The following SAMD12 variants were observed in gnomAD, a reference collection of about 807,000 sequenced individuals.
SAMD12 encodes sterile alpha motif domain containing 12, also known as sterile alpha motif domain-containing protein 12.
In SAMD12, 9 loss-of-function variants were observed where a neutral mutation model predicts 15.0. That is an observed-to-expected ratio of 0.60 (90% CI 0.36 to 1.05). The LOEUF is 1.05. Ranked by LOEUF, SAMD12 falls within the 50% of genes least tolerant of loss-of-function variation. SAMD12 has a pLI of 0.01. For missense variants in SAMD12, 230 were observed against 234.2 expected (o/e 0.98, Z 0.12); for synonymous variants, 86 against 90.1 (o/e 0.96, Z 0.25).
intron 2 of SAMD12, among the ~76,000 whole-genome samples, chr8:118,567,625 T>C (rs1010704803): frequency 3.9e-5 from 6 of 152,228 alleles, no homozygotes; most frequent in Non-Finnish European, 8.8e-5. Context: ...AAAAATCTGC[T>C]ATTGGGATTT....
At chr8:118,250,835 ATGT>A (rs369360296) in intron 4 of SAMD12, among the ~76,000 whole-genome samples, 124 of 152,098 alleles carry the variant, frequency 8.2e-4, no homozygotes, top group African/African-American at 2.7e-3. Context: ...CAGTCAACAA[ATGT>A]TGTTTTCCTC....
At chr8:118,167,155 A>C in the SAMD12 span, among the ~76,000 whole-genome samples, 2 of 152,098 alleles carry the variant, frequency 1.3e-5, no homozygotes, top group Non-Finnish European at 2.9e-5. Flanking sequence ...CTCTCAAGGA[A>C]AATAGTTCTG....
chr8:118,466,790 T>C (rs1272296927), intron 2 of SAMD12, among the ~76,000 whole-genome samples: 1 of 100,838 alleles, frequency 9.9e-6, no homozygotes, highest in Non-Finnish European at 2.0e-5. Flanking sequence ...CTAGCAGTAA[T>C]AGGGAGAGAG....
chr8:118,251,449 C>G (rs1012115197), intron 4 of SAMD12, among the ~76,000 whole-genome samples: 1 of 152,044 alleles, frequency 6.6e-6, no homozygotes, highest in African/African-American at 2.4e-5. Context: ...TAATCTTGCA[C>G]CCGAAGTTTT....
chr8:118,161,277 C>T, the SAMD12 span, among the ~76,000 whole-genome samples: 1 of 152,088 alleles, frequency 6.6e-6, no homozygotes, highest in Non-Finnish European at 1.5e-5. Context: ...CGAACTTTAT[C>T]AATATTATAA....
At chr8:118,346,186 T>C (rs1316355347) in intron 4 of SAMD12, among the ~76,000 whole-genome samples, 1 of 152,180 alleles carries the variant, frequency 6.6e-6, no homozygotes, top group African/African-American at 2.4e-5. Context: ...TAAAACTATA[T>C]AAATTATATA....
intron 4 of SAMD12, among the ~76,000 whole-genome samples, chr8:118,316,618 G>A (rs1368199867): frequency 1.3e-5 from 2 of 151,940 alleles, no homozygotes; most frequent in Non-Finnish European, 2.9e-5. Flanking sequence ...GGGAGGATGT[G>A]GAACAATTAG....
intron 4 of SAMD12, among the ~76,000 whole-genome samples, chr8:118,257,090 A>G (rs143042021): frequency 4.0e-4 from 61 of 152,192 alleles, no homozygotes; most frequent in African/African-American, 1.3e-3. Context: ...CAGGCATCCA[A>G]TTAGAAAAGA....
chr8:118,387,928 A>G (rs367753483), intron 3 of SAMD12, among the ~76,000 whole-genome samples: 17 of 152,192 alleles, frequency 1.1e-4, no homozygotes, highest in African/African-American at 3.9e-4. Context: ...GTAGCCATCA[A>G]ACAGATTCAT....
intron 2 of SAMD12, among the ~76,000 whole-genome samples, chr8:118,443,232 G>A (rs996955850): frequency 6.6e-6 from 1 of 152,156 alleles, no homozygotes; most frequent in African/African-American, 2.4e-5. Context: ...GGGAGGCTGA[G>A]GCAGGCAGAT....
chr8:118,250,824 T>A (rs1440641664), intron 4 of SAMD12, among the ~76,000 whole-genome samples: 1 of 152,012 alleles, frequency 6.6e-6, no homozygotes, highest in Admixed American at 6.6e-5. Context: ...AGATCAAAAG[T>A]CAGTCAACAA....
Position 118,302,078 on chromosome 8 carries a change from G to GTTTTTTTTTTTTTTTTTTTTTTTTTTTTT in SAMD12, c.433+77481_433+77482insAAAAAAAAAAAAAAAAAAAAAAAAAAAAA, listed in dbSNP as rs58076997. Among the ~76,000 whole-genome samples the GTTTTTTTTTTTTTTTTTTTTTTTTTTTTT allele has an allele frequency of 1.5e-4, 11 of 74,690 alleles. 1 individual carries two copies. The highest frequency in any genetic ancestry group is 3.5e-4 in the African/African-American group (5 of 14,296). The allele number at this position is 74,690 out of a possible 152,430, so 49.0% of individuals were successfully genotyped here. The stretch of plus-strand genomic sequence containing the variant: ...ATTTTCTAGCGCCAGATCTTTGAGA[G>GTTTTTTTTTTTTTTTTTTTTTTTTTTTTT]TTTTTTTTTTTTTTTTTTTTTTTTT... On this transcript the variant is annotated intron_variant, in intron 4 of 4. Transcript: ENST00000409003.
At chr8:118,297,218 G>A (rs1017994482) in intron 4 of SAMD12, among the ~76,000 whole-genome samples, 1 of 152,152 alleles carries the variant, frequency 6.6e-6, no homozygotes, top group South Asian at 2.1e-4. Context: ...GGCTCACCAT[G>A]TAACTAGAAC....
chr8:118,426,579 C>T (rs13253764), intron 3 of SAMD12, among the ~76,000 whole-genome samples: 84,370 of 151,624 alleles, frequency 0.56, 25,545 homozygotes, highest in Non-Finnish European at 0.67. Flanking sequence ...TAAGAATATT[C>T]CTTCTAGTTA....
intron 4 of SAMD12, among the ~76,000 whole-genome samples, chr8:118,343,156 C>A (rs1361072215): frequency 1.3e-5 from 2 of 152,022 alleles, no homozygotes; most frequent in Non-Finnish European, 2.9e-5. Flanking sequence ...ATGCAGGAGG[C>A]AGGTCCTGCT....
intron 4 of SAMD12, among the ~76,000 whole-genome samples, chr8:118,368,921 C>A (rs1392111091): frequency 6.6e-6 from 1 of 152,170 alleles, no homozygotes; most frequent in East Asian, 1.9e-4. Flanking sequence ...ACATTTTTAT[C>A]CCTTAAAAAC....
At chr8:118,512,255 T>C (rs1423542672) in intron 2 of SAMD12, among the ~76,000 whole-genome samples, 4 of 152,136 alleles carry the variant, frequency 2.6e-5, no homozygotes, top group African/African-American at 9.7e-5. Flanking sequence ...GGGACTGCCA[T>C]ATGCAGAGAT....
chr8:118,499,368 A>G (rs1035699596), intron 2 of SAMD12, among the ~76,000 whole-genome samples: 3 of 152,216 alleles, frequency 2.0e-5, no homozygotes, highest in Admixed American at 1.3e-4. Context: ...TAATGATTAC[A>G]ACAGTGACTT....
chr8:118,296,836 T>C (rs1309513356), intron 4 of SAMD12, among the ~76,000 whole-genome samples: 1 of 152,246 alleles, frequency 6.6e-6, no homozygotes, highest in Non-Finnish European at 1.5e-5. Flanking sequence ...TTCATTCATT[T>C]GTTCATCATG....
Sources: allele counts gnomAD v4.1 joint callset (sites outside exome capture counted in the v4.1 genomes callset), GRCh38; gene constraint gnomAD v4.1.1; transcripts MANE v1.5; gene names NCBI Gene and HGNC (gene_info 2026-07-23, HGNC 2026-07-21).